ERBB4: variants seen among roughly 807,000 people sequenced by gnomAD.
The protein encoded by ERBB4 is erb-b2 receptor tyrosine kinase 4.
In ERBB4, 42 loss-of-function variants were observed where a neutral mutation model predicts 158.0. The ratio of observed to expected loss-of-function variants is 0.27; its 90% CI spans 0.21 to 0.34. The LOEUF is 0.34. Ranked by LOEUF, ERBB4 falls within the 10% of genes least tolerant of loss-of-function variation. ERBB4 has a pLI of 1.00. For synonymous variants in ERBB4, 583 were observed against 558.7 expected (o/e 1.04, Z -0.61); for missense variants, 1,333 against 1,624.1 (o/e 0.82, Z 3.08).
intron 1 of ERBB4, among the ~76,000 whole-genome samples, chr2:212,479,327 T>C (rs1689567571): frequency 1.3e-5 from 2 of 152,118 alleles, no homozygotes; most frequent in African/African-American, 4.8e-5. Flanking sequence ...TCTTTCTCTT[T>C]CTCATAGCCA....
chr2:211,598,026 C>T (rs1400578016), intron 19 of ERBB4, among the ~76,000 whole-genome samples: 2 of 152,092 alleles, frequency 1.3e-5, no homozygotes, highest in African/African-American at 4.8e-5. Flanking sequence ...AAGAGAACTT[C>T]AGCTAGAGCC....
intron 1 of ERBB4, among the ~76,000 whole-genome samples, chr2:212,206,288 A>G (rs1422590569): frequency 6.6e-6 from 1 of 152,180 alleles, no homozygotes; most frequent in Non-Finnish European, 1.5e-5. Context: ...TGAAAAAGTG[A>G]TATCACTAGA....
intron 19 of ERBB4, among the ~76,000 whole-genome samples, chr2:211,612,865 A>G (rs559666140): frequency 4.6e-5 from 7 of 152,210 alleles, no homozygotes; most frequent in Admixed American, 2.6e-4. Flanking sequence ...GCATAGAATC[A>G]AAGCATTTAC....
intron 1 of ERBB4, among the ~76,000 whole-genome samples, chr2:212,304,615 T>G (rs2086741103): frequency 6.6e-6 from 1 of 151,510 alleles, no homozygotes; most frequent in African/African-American, 2.4e-5. Flanking sequence ...ATTTGATTTC[T>G]CATACAAGAC....
intron 20 of ERBB4, among the ~76,000 whole-genome samples, chr2:211,542,363 G>C (rs2125685786): frequency 6.6e-6 from 1 of 152,062 alleles, no homozygotes; most frequent in Non-Finnish European, 1.5e-5. Flanking sequence ...TGGAGTGGAA[G>C]AGGAGGAGAA....
chr2:212,194,876 G>A (rs1011429254), intron 1 of ERBB4, among the ~76,000 whole-genome samples: 1 of 151,922 alleles, frequency 6.6e-6, no homozygotes, highest in Non-Finnish European at 1.5e-5. Context: ...TGGGGTTGTA[G>A]CCTCAGAAAG....
chr2:211,932,572 G>A (rs976986209), intron 3 of ERBB4, among the ~76,000 whole-genome samples: 4 of 151,832 alleles, frequency 2.6e-5, no homozygotes, highest in South Asian at 2.1e-4. Context: ...AACCATTTGA[G>A]GGGGGAGTGT....
chr2:212,347,395 CA>C (rs992811767), intron 1 of ERBB4, among the ~76,000 whole-genome samples: 2 of 151,230 alleles, frequency 1.3e-5, no homozygotes, highest in African/African-American at 4.8e-5. Flanking sequence ...TTTGTAATTT[CA>C]AAAAAAAGGG....
intron 1 of ERBB4, among the ~76,000 whole-genome samples, chr2:212,191,655 G>A (rs530766193): frequency 1.5e-5 from 2 of 136,908 alleles, no homozygotes; most frequent in African/African-American, 2.7e-5. Context: ...TAACACATGC[G>A]TTATACATGT....
At chr2:211,447,840 C>T (rs562896449) in intron 20 of ERBB4, among the ~76,000 whole-genome samples, 116 of 152,178 alleles carry the variant, frequency 7.6e-4, no homozygotes, top group Non-Finnish European at 1.4e-3. Flanking sequence ...AACTTTTGAC[C>T]TTAGGAATTA....
chr2:212,432,749 G>A (rs909461091), intron 1 of ERBB4, among the ~76,000 whole-genome samples: 6 of 152,106 alleles, frequency 3.9e-5, no homozygotes, highest in Non-Finnish European at 8.8e-5. Context: ...CACAGAAGTT[G>A]TGAAAGGTGA....
intron 19 of ERBB4, among the ~76,000 whole-genome samples, chr2:211,574,597 T>A (rs2067836992): frequency 6.6e-6 from 1 of 152,162 alleles, no homozygotes; most frequent in South Asian, 2.1e-4. Flanking sequence ...TGTGAAAAAT[T>A]CTTAGCAAGC....
intron 9 of ERBB4, among the ~76,000 whole-genome samples, chr2:211,711,459 C>T (rs968765070): frequency 1.3e-5 from 2 of 152,008 alleles, no homozygotes; most frequent in Non-Finnish European, 2.9e-5. Flanking sequence ...GTAGGGGGTC[C>T]TGTAATGAAG....
chr2:212,037,398 C>T (rs531941932), intron 2 of ERBB4, among the ~76,000 whole-genome samples: 3 of 152,296 alleles, frequency 2.0e-5, no homozygotes, highest in Admixed American at 6.5e-5. Context: ...AAAGCACCAA[C>T]TGGATAATGA....
At chr2:212,433,712 C>T (rs921011897) in intron 1 of ERBB4, among the ~76,000 whole-genome samples, 3 of 151,924 alleles carry the variant, frequency 2.0e-5, no homozygotes, top group Non-Finnish European at 4.4e-5. Context: ...ATATTAATAT[C>T]TTGAAACATT....
chr2:212,426,506 TTA>T (rs2091916692), intron 1 of ERBB4: 2 of 363,488 alleles, frequency 5.5e-6, no homozygotes, highest in Non-Finnish European at 1.1e-5. Context: ...CTCAATCTCT[TTA>T]TCTCTACCAC....
intron 20 of ERBB4, among the ~76,000 whole-genome samples, chr2:211,528,049 A>G (rs1037186684): frequency 6.6e-6 from 1 of 152,078 alleles, no homozygotes; most frequent in African/African-American, 2.4e-5. Flanking sequence ...AAACTCTCCA[A>G]TCAAAAGACA....
intron 3 of ERBB4, among the ~76,000 whole-genome samples, chr2:211,919,424 C>A (rs1173958060): frequency 6.6e-6 from 1 of 151,818 alleles, no homozygotes; most frequent in Non-Finnish European, 1.5e-5. Context: ...GGGAGAAATC[C>A]AAAATCAAAC....
At chr2:212,129,967 C>T (rs2080062584) in intron 1 of ERBB4, among the ~76,000 whole-genome samples, 1 of 151,986 alleles carries the variant, frequency 6.6e-6, no homozygotes, top group Non-Finnish European at 1.5e-5. Flanking sequence ...TGGATAGGCT[C>T]ATAGAAATCA....
Sources: allele counts gnomAD v4.1 joint callset (sites outside exome capture counted in the v4.1 genomes callset), GRCh38; gene constraint gnomAD v4.1.1; transcripts MANE v1.5; gene names NCBI Gene and HGNC (gene_info 2026-07-23, HGNC 2026-07-21).